The following ZFHX3 variants were observed in gnomAD, a reference collection of about 807,000 sequenced individuals.
The protein encoded by ZFHX3 is zinc finger homeobox 3, also known as zinc finger homeobox protein 3.
ZFHX3 carries 42 observed loss-of-function variants against 279.1 expected under a neutral mutation model. That is an observed-to-expected ratio of 0.15 (90% CI 0.12 to 0.19). The LOEUF (loss-of-function observed/expected upper bound fraction) is 0.19, where lower values mean the gene tolerates loss of function less well. Among genes scored for constraint, ZFHX3 ranks in the 10% least tolerant of loss-of-function variants. The pLI, the probability that ZFHX3 is intolerant of heterozygous loss-of-function variation, is 1.00. For missense variants in ZFHX3, 4,981 were observed against 4,754.0 expected, an observed-to-expected ratio of 1.05 and a Z score of -1.40; for synonymous variants, 2,293 against 1,957.8, an observed-to-expected ratio of 1.17 and a Z score of -4.52.
intron 2 of ZFHX3, chr16:73,554,168 C>T (rs1205876956): frequency 6.6e-6 from 1 of 152,134 alleles, no homozygotes; most frequent in East Asian, 1.9e-4. Flanking sequence ...GTGAAATTGC[C>T]ATCCAAGAAA....
At chr16:73,181,932 C>T (rs989675185) in intron 5 of ZFHX3, among the ~76,000 whole-genome samples, 1 of 152,112 alleles carries the variant, frequency 6.6e-6, no homozygotes, top group Non-Finnish European at 1.5e-5. Context: ...ACTTTTTCTT[C>T]ACACTGAGGA....
chr16:73,130,428 A>G (rs897619482), intron 7 of ZFHX3, among the ~76,000 whole-genome samples: 2 of 151,770 alleles, frequency 1.3e-5, no homozygotes, highest in African/African-American at 2.4e-5. Context: ...GGCACCATAC[A>G]CTCTTCTCCG....
chr16:72,879,953 G>A lies in ZFHX3; in HGVS notation c.3448+9778C>T, dbSNP rs2038419144. On this transcript the variant is annotated intron_variant, in intron 4 of 9. Transcript: ENST00000268489. ...CAAGGAAAGAGTCATGGTAAAATGG[G>A]CTCAGAGGACACAGGGCTCTGACCC... 2.0e-5 allele frequency among the ~76,000 whole-genome samples: 3 copies of A among 152,174 alleles called. No homozygotes were observed. In the South Asian group the frequency reaches 6.2e-4, roughly 32 times the overall value.
At chr16:73,842,051 T>C (rs1961323653) in intron 1 of ZFHX3, among the ~76,000 whole-genome samples, 1 of 150,612 alleles carries the variant, frequency 6.6e-6, no homozygotes, top group Non-Finnish European at 1.5e-5. Flanking sequence ...CCGTCTCTAC[T>C]TTAAAAAAAA....
chr16:73,213,474 G>A (rs2012089569), intron 5 of ZFHX3, among the ~76,000 whole-genome samples: 1 of 152,078 alleles, frequency 6.6e-6, no homozygotes, highest in Non-Finnish European at 1.5e-5. Flanking sequence ...AGTTTGCTGA[G>A]GTAACTTCAA....
At chr16:73,445,298 A>ATG (rs1357671063) in intron 3 of ZFHX3, among the ~76,000 whole-genome samples, 4 of 47,050 alleles carry the variant, frequency 8.5e-5, no homozygotes, top group African/African-American at 2.1e-4. Flanking sequence ...ATATATGTAT[A>ATG]TGTATGTGTG....
chr16:73,470,672 A>T (rs1314886565), intron 2 of ZFHX3, among the ~76,000 whole-genome samples: 1 of 152,244 alleles, frequency 6.6e-6, no homozygotes, highest in Non-Finnish European at 1.5e-5. Context: ...GTAATAAGAC[A>T]GCTCTATGGA....
chr16:72,796,565 T>TGGC lies in ZFHX3; in HGVS notation c.6114_6116dup (p.Pro2050dup), dbSNP rs1328770516. ...GAGGGGGTGGAGGGGGAGGTGGTGG[T>TGGC]GGCTCTGGGGTCTGGGGCCTCAGTG... On this transcript the variant is annotated inframe_insertion, in exon 9 of 10. Transcript: ENST00000268489. The TGGC allele has an allele frequency of 6.9e-7, 1 of 1,448,408 alleles. No individual in the cohort carries two copies. Among genetic ancestry groups the TGGC allele is most frequent in the East Asian group, 3.1e-5 (1 of 32,342 alleles). 89.7% of individuals were successfully genotyped at this position (1,448,408 alleles called of 1,614,324 possible). A position where few individuals can be genotyped will look rare whatever the true frequency, so the allele number is the denominator to read the frequency against.
chr16:73,572,210 A>C (rs1004021158), intron 2 of ZFHX3, among the ~76,000 whole-genome samples: 1 of 151,764 alleles, frequency 6.6e-6, no homozygotes, highest in African/African-American at 2.4e-5. Flanking sequence ...GGCAGCTCAG[A>C]GAATCAAACT....
At chr16:73,456,472 A>G (rs2018373587) in intron 2 of ZFHX3, among the ~76,000 whole-genome samples, 1 of 152,180 alleles carries the variant, frequency 6.6e-6, no homozygotes, top group African/African-American at 2.4e-5. Context: ...TATCCACAGG[A>G]AAACATCCAC....
intron 5 of ZFHX3, among the ~76,000 whole-genome samples, chr16:73,164,782 C>A (rs926802347): frequency 6.6e-6 from 1 of 151,846 alleles, no homozygotes; most frequent in Non-Finnish European, 1.5e-5. Context: ...TTGCCATGGA[C>A]CAAGCATTCT....
At chr16:72,846,701 A>C (rs1401407477) in intron 4 of ZFHX3, among the ~76,000 whole-genome samples, 2 of 152,246 alleles carry the variant, frequency 1.3e-5, no homozygotes, top group Non-Finnish European at 2.9e-5. Context: ...GATTTCCAGT[A>C]GAAAAACTCC....
chr16:73,605,157 C>A (rs967854336), intron 2 of ZFHX3, among the ~76,000 whole-genome samples: 1 of 152,090 alleles, frequency 6.6e-6, no homozygotes, highest in Non-Finnish European at 1.5e-5. Context: ...CGGTGGCGGA[C>A]GTGGTCATTC....
upstream of ZFHX3, chr16:73,060,848 A>C (rs1194390215): frequency 1.3e-5 from 2 of 152,346 alleles, no homozygotes; most frequent in East Asian, 3.9e-4. Flanking sequence ...GGAATTAATC[A>C]GGAAATCTGT....
At chr16:73,765,984 G>C (rs1394694272) in intron 1 of ZFHX3, among the ~76,000 whole-genome samples, 1 of 152,106 alleles carries the variant, frequency 6.6e-6, no homozygotes, top group Non-Finnish European at 1.5e-5. Context: ...TACAGTTTCA[G>C]GTTTTGGGAA....
chr16:73,554,970 C>G (rs2020253291), intron 2 of ZFHX3, among the ~76,000 whole-genome samples: 1 of 152,184 alleles, frequency 6.6e-6, no homozygotes, highest in South Asian at 2.1e-4. Context: ...CGGCCAACTC[C>G]AGAAGGCAGC....
chr16:73,117,360 T>C (rs1375216634), intron 7 of ZFHX3, among the ~76,000 whole-genome samples: 1 of 152,234 alleles, frequency 6.6e-6, no homozygotes, highest in Non-Finnish European at 1.5e-5. Context: ...CATAATTGTA[T>C]ACTAGGTCAT....
chr16:73,365,156 C>T (rs1383714637), intron 3 of ZFHX3, among the ~76,000 whole-genome samples: 1 of 152,236 alleles, frequency 6.6e-6, no homozygotes, highest in Non-Finnish European at 1.5e-5. Flanking sequence ...ATTACTGAGC[C>T]TCTGTGGAGA....
intron 7 of ZFHX3, chr16:73,127,419 T>C (rs1196671023): frequency 1.5e-6 from 2 of 1,305,408 alleles, no homozygotes; most frequent in Non-Finnish European, 1.0e-6. Flanking sequence ...TCCCAGGTAG[T>C]AGCTGGAGCA....
Sources: allele counts gnomAD v4.1 joint callset (sites outside exome capture counted in the v4.1 genomes callset), GRCh38; gene constraint gnomAD v4.1.1; transcripts MANE v1.5; gene names NCBI Gene and HGNC (gene_info 2026-07-23, HGNC 2026-07-21).